The following UGGT2 variants were observed in gnomAD, a reference collection of about 807,000 sequenced individuals.
UGGT2 encodes the protein UDP-glucose:glycoprotein glucosyltransferase 2.
A neutral mutation model predicts 192.1 loss-of-function variants in UGGT2; 180 were observed. That is an observed-to-expected ratio of 0.94 (90% CI 0.83 to 1.06). The LOEUF (loss-of-function observed/expected upper bound fraction) is 1.06, where lower values mean the gene tolerates loss of function less well. UGGT2 is among the 50% of genes least tolerant of loss of function. UGGT2 has a pLI of 0.00. For synonymous variants in UGGT2, 580 were observed against 591.0 expected, an observed-to-expected ratio of 0.98 and a Z score of 0.27; for missense variants, 1,849 against 1,795.7, an observed-to-expected ratio of 1.03 and a Z score of -0.54.
intron 1 of UGGT2, among the ~76,000 whole-genome samples, chr13:96,051,470 T>A (rs2053484485): frequency 6.6e-6 from 1 of 151,804 alleles, no homozygotes; most frequent in Non-Finnish European, 1.5e-5. Context: ...ACTTAAAGTA[T>A]AATAATAAAA....
At chr13:95,983,659 G>C (rs537296944) in intron 10 of UGGT2, 145 bp downstream of exon 10, 1 of 683,444 alleles carries the variant, frequency 1.5e-6, no homozygotes, top group African/African-American at 1.8e-5. Context: ...ATAGTCCACA[G>C]TATAAAAATA....
chr13:95,927,470 C>CTTTT (rs869027577), intron 17 of UGGT2, 134 bp from the exon 18 acceptor site: 31 of 243,336 alleles, frequency 1.3e-4, no homozygotes, highest in Middle Eastern at 1.4e-3. Flanking sequence ...CATTTTCTTT[C>CTTTT]TTTTTTTTTT....
intron 38 of UGGT2, among the ~76,000 whole-genome samples, chr13:95,810,524 C>T (rs1384193642): frequency 6.6e-6 from 1 of 152,126 alleles, no homozygotes; most frequent in African/African-American, 2.4e-5. Context: ...CTAGTATCTA[C>T]ATATGTTTTA....
intron 27 of UGGT2, among the ~76,000 whole-genome samples, chr13:95,879,473 T>C (rs1361826509): frequency 6.6e-6 from 1 of 152,234 alleles, no homozygotes; most frequent in African/African-American, 2.4e-5. Flanking sequence ...TCTCACTCTG[T>C]TGCCCAGGCT....
chr13:95,985,164 T>C, intron 9 of UGGT2: 1 of 666,762 alleles, frequency 1.5e-6, no homozygotes, highest in South Asian at 1.9e-5. Flanking sequence ...ACTTTATTTG[T>C]ATTTGATCTA....
intron 36 of UGGT2, among the ~76,000 whole-genome samples, chr13:95,851,105 G>GTCCTGAGAGTACT (rs1888989350): frequency 6.6e-6 from 1 of 152,266 alleles, no homozygotes; most frequent in East Asian, 1.9e-4. Flanking sequence ...ACAGTTGTTG[G>GTCCTGAGAGTACT]TCCTGAGAGT....
intron 4 of UGGT2, among the ~76,000 whole-genome samples, chr13:96,019,027 C>G (rs1045089434): frequency 1.4e-5 from 2 of 140,018 alleles, no homozygotes; most frequent in Non-Finnish European, 3.0e-5. Flanking sequence ...GAAAAAAAAA[C>G]CATTGACCAA....
intron 12 of UGGT2, among the ~76,000 whole-genome samples, chr13:95,962,971 T>C (rs1782328250): frequency 6.6e-6 from 1 of 152,118 alleles, no homozygotes; most frequent in African/African-American, 2.4e-5. Context: ...AAACTCTCCC[T>C]TATAGAGCCA....
intron 12 of UGGT2, among the ~76,000 whole-genome samples, chr13:95,957,742 GT>G (rs2050254018): frequency 6.6e-6 from 1 of 152,154 alleles, no homozygotes; most frequent in Admixed American, 6.5e-5. Flanking sequence ...TTATAGGTCT[GT>G]TTACTATGTC....
At chr13:96,016,612 C>T (rs1184228002) in intron 4 of UGGT2, among the ~76,000 whole-genome samples, 3 of 152,220 alleles carry the variant, frequency 2.0e-5, no homozygotes, top group Admixed American at 6.5e-5. Context: ...GGCTTGGAGG[C>T]CTCCATCTAG....
Position 95,865,905 on chromosome 13 carries a change from T to C in UGGT2, c.3558+1434A>G, listed in dbSNP as rs573260719. Among the ~76,000 whole-genome samples, 20 of 152,322 alleles carry C rather than the reference T, an allele frequency of 1.3e-4. No individual in the cohort carries two copies. In the East Asian group the frequency reaches 2.1e-3, roughly 16 times the overall value. On this transcript the variant is annotated intron_variant, in intron 30 of 38. Coordinates refer to ENST00000376747, the MANE Select transcript of UGGT2 (RefSeq NM_020121.4). Reference sequence around the variant, plus strand: ...AGTCCTGTAAGGTATATTCTATTGTTAACCCCATTTTACAGATGAGGAAAT... The same window carrying C: ...AGTCCTGTAAGGTATATTCTATTGTCAACCCCATTTTACAGATGAGGAAAT...
chr13:95,856,130 T>G, intron 34 of UGGT2, 28 bp downstream of exon 34: 1 of 1,556,080 alleles, frequency 6.4e-7, no homozygotes, highest in South Asian at 1.2e-5. Flanking sequence ...GTTTGCGTAT[T>G]ACTAAAAATA....
chr13:96,039,948 C>G (rs1387745534), intron 1 of UGGT2, among the ~76,000 whole-genome samples: 1 of 152,170 alleles, frequency 6.6e-6, no homozygotes, highest in Admixed American at 6.5e-5. Context: ...TCTATGATGA[C>G]AGAAGTTTTT....
At chr13:95,862,090 G>A (rs528437952) in intron 31 of UGGT2, among the ~76,000 whole-genome samples, 297 of 152,160 alleles carry the variant, frequency 2.0e-3, no homozygotes, top group Non-Finnish European at 3.7e-3. Context: ...ATTATCCCCT[G>A]TCAAACATAC....
intron 11 of UGGT2, among the ~76,000 whole-genome samples, chr13:95,971,437 A>G (rs7325915): frequency 0.36 from 54,545 of 152,018 alleles, 10,167 homozygotes; most frequent in Middle Eastern, 0.42. Flanking sequence ...AATGAGGAAT[A>G]ACAATGTAGC....
chr13:95,989,986 G>C lies in UGGT2; in HGVS notation c.918C>G (p.Val306=). 1 of 1,605,608 alleles carries C rather than the reference G, an allele frequency of 6.2e-7. No individual in the cohort carries two copies. Among genetic ancestry groups the C allele is most frequent in the Non-Finnish European group, 8.5e-7 (1 of 1,175,686 alleles). The stretch of plus-strand genomic sequence containing the variant: ...AAAATACTATACCTTGTAGTTCCCA[G>C]ACTTTCAAAGGCATCATTTGTTTGT... The part of the protein sequence containing the change: ...ESNKQMMPLK[V]WELQDLSFQA... The change falls in exon 8 of 39, where the codon GTC becomes GTG. Residue 306 remains valine, a synonymous_variant. Transcript: ENST00000376747.
At chr13:95,874,589 ACT>A (rs1891498095) in intron 29 of UGGT2, among the ~76,000 whole-genome samples, 1 of 152,146 alleles carries the variant, frequency 6.6e-6, no homozygotes, top group Admixed American at 6.5e-5. Context: ...GGAATTTCCC[ACT>A]TAATATTTTT....
intron 12 of UGGT2, among the ~76,000 whole-genome samples, chr13:95,960,730 C>G (rs575029933): frequency 6.6e-6 from 1 of 152,034 alleles, no homozygotes; most frequent in African/African-American, 2.4e-5. Context: ...AAGGTTTTGC[C>G]CATGGCAAAT....
rs113645198 is a variant in UGGT2 at position 96,037,070 on chromosome 13, C to T, written c.159-5099G>A. ...TATTTCTACAAAGGGTGTTTTTATACGCACTAAAGAGTTTGACAGTAATTA... is the reference window on the plus strand; with the variant it reads ...TATTTCTACAAAGGGTGTTTTTATATGCACTAAAGAGTTTGACAGTAATTA... On this transcript the variant is annotated intron_variant, in intron 1 of 38. Coordinates refer to ENST00000376747, the MANE Select transcript of UGGT2 (RefSeq NM_020121.4). Among the ~76,000 whole-genome samples the T allele has an allele frequency of 7.6e-4, 116 of 152,292 alleles. 1 individual carries two copies. Among genetic ancestry groups the T allele is most frequent in the African/African-American group, 2.3e-3 (97 of 41,568 alleles).
Sources: allele counts gnomAD v4.1 joint callset (sites outside exome capture counted in the v4.1 genomes callset), GRCh38; gene constraint gnomAD v4.1.1; transcripts MANE v1.5; gene names NCBI Gene and HGNC (gene_info 2026-07-23, HGNC 2026-07-21).